Variants in PPIF observed in about 807,000 individuals in gnomAD.
PPIF encodes the protein peptidyl-prolyl cis-trans isomerase F, mitochondrial.
Under a neutral mutation model 20.2 loss-of-function variants are expected in PPIF, and 23 were observed. The ratio of observed to expected loss-of-function variants is 1.14; its 90% CI spans 0.82 to 1.61. PPIF has a LOEUF of 1.61. PPIF is among the 40% of genes most tolerant of loss of function. The pLI is 0.00. For missense variants in PPIF, 287 were observed against 291.6 expected (o/e 0.98, Z 0.11); for synonymous variants, 113 against 123.1 (o/e 0.92, Z 0.54).
In PPIF at chr10:79,353,797, G is replaced by C. The variant is rs577203152; in HGVS notation, c.579G>C (p.Arg193Ser). The C allele has an allele frequency of 6.2e-7, 1 of 1,614,120 alleles. No individual in the cohort carries two copies. The highest frequency in any genetic ancestry group is 1.1e-5 in the South Asian group (1 of 91,092). Residue 193 changes from arginine to serine, a missense_variant, in exon 6 of 6, where the codon AGG (arginine) becomes AGC (serine). Transcript: ENST00000225174. ...KIESFGSKSG[R>S]TSKKIVITDC... ...AATCTTTCGGCTCTAAGAGTGGGAG[G>C]ACATCCAAGAAGATTGTCATCACAG...
intron 5 of PPIF, among the ~76,000 whole-genome samples, chr10:79,353,197 C>T (rs1224026106): frequency 3.3e-5 from 5 of 152,254 alleles, no homozygotes; most frequent in African/African-American, 1.2e-4. Flanking sequence ...TCCTGCAGTT[C>T]TGCTCTTGGC....
intron 1 of PPIF, 108 bp downstream of exon 1, chr10:79,347,851 A>G: frequency 8.1e-7 from 1 of 1,227,618 alleles, no homozygotes; most frequent in Non-Finnish European, 1.0e-6. Flanking sequence ...GGGCCTCCCC[A>G]TGCCGAGCTC....
chr10:79,353,293 C>T (rs1284319515), intron 5 of PPIF, among the ~76,000 whole-genome samples: 1 of 152,266 alleles, frequency 6.6e-6, no homozygotes, highest in Non-Finnish European at 1.5e-5. Context: ...CCCAGGACTC[C>T]TGCAGTTTCA....
At position 79,353,727 on chromosome 10, in the gene PPIF, T is replaced by G. The variant is rs759962087; in HGVS notation, c.509T>G (p.Val170Gly). Residue 170 changes from valine (V) to glycine (G), a missense_variant, in exon 6 of 6, where the codon GTG becomes GGG. Coordinates refer to ENST00000225174, the MANE Select transcript of PPIF (RefSeq NM_005729.4). ...KTDWLDGKHV[V>G]FGHVKEGMDV... is the part of the protein sequence containing the mutation. The stretch of plus-strand genomic sequence containing the variant: ...CACAGGTTGGATGGCAAGCATGTTG[T>G]GTTCGGTCACGTCAAAGAGGGCATG... The G allele has an allele frequency of 1.9e-6, 3 of 1,614,118 alleles. No individual in the cohort carries two copies. The highest frequency in any genetic ancestry group is 1.7e-6 in the Non-Finnish European group (2 of 1,180,038).
At chr10:79,351,368 C>G in intron 3 of PPIF, 119 bp from the exon 4 acceptor site, 4 of 692,178 alleles carry the variant, frequency 5.8e-6, no homozygotes, top group Admixed American at 2.8e-5. Context: ...TTTATTGACC[C>G]CTTTACCTGA....
intron 2 of PPIF, 88 bp downstream of exon 2, chr10:79,349,194 G>A: frequency 6.8e-6 from 11 of 1,610,646 alleles, no homozygotes; most frequent in Non-Finnish European, 9.3e-6. Context: ...AGAAGAGTCG[G>A]GGCTCAGAGA....
intron 1 of PPIF, 85 bp from the exon 2 acceptor site, chr10:79,348,991 T>G (rs1855939777): frequency 2.5e-6 from 4 of 1,612,006 alleles, no homozygotes; most frequent in Non-Finnish European, 3.4e-6. Context: ...TTGGCCACTG[T>G]GGGGGTGGGT....
At position 79,353,690 on chromosome 10, in the gene PPIF, G is replaced by T; in HGVS notation, c.489-17G>T. 6.2e-7 allele frequency: 1 copy of T among 1,614,232 alleles called. No homozygotes were observed. ...TTGCGCTACACTGTTGCTCACCCGG[G>T]TCACCCGTCCTCACAGGTTGGATGG... On this transcript the variant is annotated splice_polypyrimidine_tract_variant and intron_variant, in intron 5 of 5. Coordinates refer to ENST00000225174, the MANE Select transcript of PPIF (RefSeq NM_005729.4).
At chr10:79,353,674 A>G (rs1430059313) in intron 5 of PPIF, 33 bp from the exon 6 acceptor site, 1 of 1,614,162 alleles carries the variant, frequency 6.2e-7, no homozygotes, top group South Asian at 1.1e-5. Flanking sequence ...ATTGCGCTAC[A>G]CTGTTGCTCA....
intron 1 of PPIF, among the ~76,000 whole-genome samples, chr10:79,348,402 G>A (rs1855930635): frequency 6.6e-6 from 1 of 152,158 alleles, no homozygotes; most frequent in African/African-American, 2.4e-5. Flanking sequence ...CTGTTTTTGG[G>A]TCTTTTCTAA....
chr10:79,352,229 G>C, intron 4 of PPIF, 88 bp from the exon 5 acceptor site: 1 of 1,173,662 alleles, frequency 8.5e-7, no homozygotes, highest in Non-Finnish European at 1.3e-6. Context: ...AATGTCCCTG[G>C]TGTGGTTTGC....
At chr10:79,348,598 T>C (rs966067230) in intron 1 of PPIF, among the ~76,000 whole-genome samples, 1 of 152,144 alleles carries the variant, frequency 6.6e-6, no homozygotes, top group Non-Finnish European at 1.5e-5. Context: ...CTGCTTCCAT[T>C]TGGTTCCAGG....
intron 2 of PPIF, among the ~76,000 whole-genome samples, 192 bp from the exon 3 acceptor site, chr10:79,349,473 G>A (rs1855949806): frequency 1.3e-5 from 2 of 152,260 alleles, no homozygotes; most frequent in African/African-American, 4.8e-5. Context: ...CAGTGCTCAG[G>A]TACTGAGGAC....
chr10:79,354,119 A>G lies in PPIF; in HGVS notation c.*277A>G, dbSNP rs1264818938. On this transcript the variant is annotated 3_prime_UTR_variant, in exon 6 of 6. Transcript: ENST00000225174. ...CATTGCCTGTGATTGCCCAGCCCAG[A>G]TTCATCTGTGCCTTGGACATGGTGA... The G allele has an allele frequency of 4.2e-6, 2 of 471,664 alleles. No individual in the cohort carries two copies. The highest frequency in any genetic ancestry group is 7.7e-6 in the Non-Finnish European group (2 of 258,278). 29.2% of individuals were successfully genotyped at this position (471,664 alleles called of 1,614,324 possible). A position where few individuals can be genotyped will look rare whatever the true frequency, so the allele number is the denominator to read the frequency against.
chr10:79,352,290 G>A lies in PPIF; in HGVS notation c.413-27G>A, dbSNP rs980253017. On this transcript the variant is annotated intron_variant, in intron 4 of 5. Coordinates refer to ENST00000225174, the MANE Select transcript of PPIF (RefSeq NM_005729.4). Reference sequence around the variant, plus strand: ...CCAGGCAGGTGCCTCCAGGGGCAGCGTGGCTCAGCCCTGCTGGTTTTTGCA... The same window carrying A: ...CCAGGCAGGTGCCTCCAGGGGCAGCATGGCTCAGCCCTGCTGGTTTTTGCA... The A allele has an allele frequency of 1.2e-5, 19 of 1,605,128 alleles. No homozygotes were observed. In the East Asian group the frequency reaches 2.2e-4, roughly 19 times the overall value.
At chr10:79,348,827 A>G (rs891665209) in intron 1 of PPIF, among the ~76,000 whole-genome samples, 2 of 152,188 alleles carry the variant, frequency 1.3e-5, no homozygotes, top group African/African-American at 4.8e-5. Flanking sequence ...GTAGGCCAAG[A>G]TAGCATTGTC....
chr10:79,349,115 G>C lies in PPIF; in HGVS notation c.226+9G>C. ...CGTCCCAAAGACAGCTGGTAAGACA[G>C]GGCCTGGGGCCTTCTGAGATGGGTC... On this transcript the variant is annotated intron_variant, in intron 2 of 5. Coordinates refer to ENST00000225174, the MANE Select transcript of PPIF (RefSeq NM_005729.4). 1.9e-6 allele frequency: 3 copies of C among 1,613,998 alleles called. No individual in the cohort carries two copies. Among genetic ancestry groups the C allele is most frequent in the Non-Finnish European group, 2.5e-6 (3 of 1,179,986 alleles).
chr10:79,347,625 C>G lies in PPIF; in HGVS notation c.77C>G (p.Ala26Gly). Reference sequence around the variant, plus strand: ...CGCTCCGTGCCGCTGCGCCTCCCCGCGGCCCGCGCCTGCAGCAAGGGCTCC... The same window carrying G: ...CGCTCCGTGCCGCTGCGCCTCCCCGGGGCCCGCGCCTGCAGCAAGGGCTCC... ...VPRSVPLRLPAARACSKGSGD... is the reference protein window; with the variant it reads ...VPRSVPLRLPGARACSKGSGD... The change falls in exon 1 of 6, where the codon GCG becomes GGG. Residue 26 changes from alanine to glycine, a missense_variant. Physicochemically the swap from Ala to Gly is moderately conservative, Grantham distance 60. Transcript: ENST00000225174. 6.9e-7 allele frequency: 1 copy of G among 1,445,878 alleles called. No homozygotes were observed. The highest frequency in any genetic ancestry group is 9.1e-7 in the Non-Finnish European group (1 of 1,095,052). 89.6% of individuals were successfully genotyped at this position (1,445,878 alleles called of 1,614,324 possible). A position where few individuals can be genotyped will look rare whatever the true frequency, so the allele number is the denominator to read the frequency against.
At position 79,347,646 on chromosome 10, in the gene PPIF, G is replaced by T. The variant is rs756817544; in HGVS notation, c.98G>T (p.Gly33Val). The T allele has an allele frequency of 1.3e-4, 184 of 1,462,740 alleles. No homozygotes were observed. The highest frequency in any genetic ancestry group is 1.6e-4 in the Non-Finnish European group (178 of 1,103,528). 90.6% of individuals were successfully genotyped at this position (1,462,740 alleles called of 1,614,324 possible). The change falls in exon 1 of 6, where the codon GGC becomes GTC. Residue 33 changes from glycine (G) to valine (V), a missense_variant. Physicochemically the swap from Gly to Val is moderately radical, Grantham distance 109. Transcript: ENST00000225174. ...CCCGCGGCCCGCGCCTGCAGCAAGG[G>T]CTCCGGCGACCCGTCCTCTTCCTCC... ...RLPAARACSK[G>V]SGDPSSSSSS...
Sources: allele counts gnomAD v4.1 joint callset (sites outside exome capture counted in the v4.1 genomes callset), GRCh38; gene constraint gnomAD v4.1.1; transcripts MANE v1.5; gene names NCBI Gene and HGNC (gene_info 2026-07-23, HGNC 2026-07-21).